The following ZNF428 variants were observed in gnomAD, a reference collection of about 807,000 sequenced individuals.
ZNF428 encodes enzyme-like protein PIT13.
A neutral mutation model predicts 15.6 loss-of-function variants in ZNF428; 5 were observed. The ratio of observed to expected loss-of-function variants is 0.32; its 90% CI spans 0.17 to 0.67. ZNF428 has a LOEUF of 0.67. Among genes scored for constraint, ZNF428 ranks in the 30% least tolerant of loss-of-function variants. The pLI is 0.73. For missense variants in ZNF428, 237 were observed against 256.0 expected (o/e 0.93, Z 0.51); for synonymous variants, 97 against 102.2 (o/e 0.95, Z 0.31).
rs755131010 is a variant in ZNF428, at chr19:43,607,708, CCCTCCTCCTCCTCTTCCT to C, written c.458_475del (p.Glu153_Glu158del). On this transcript the variant is annotated inframe_deletion, in exon 3 of 3. Coordinates refer to ENST00000300811, the MANE Select transcript of ZNF428 (RefSeq NM_182498.4). The surrounding 1 kb of genome is among the most constrained non-coding windows in gnomAD (Gnocchi z 5.1). Reference sequence around the variant, plus strand: ...CTCACATTCCGTACAGTGGTAGGTTCCCTCCTCCTCCTCTTCCTCCTCCTCCTCCCGCCCAGCTGGTCG... The same window carrying C: ...CTCACATTCCGTACAGTGGTAGGTTCCCTCCTCCTCCCGCCCAGCTGGTCG... 2 of 1,613,914 alleles carry C rather than the reference CCCTCCTCCTCCTCTTCCT, an allele frequency of 1.2e-6. No homozygotes were observed. The highest frequency in any genetic ancestry group is 1.7e-6 in the Non-Finnish European group (2 of 1,179,896).
intron 1 of ZNF428, among the ~76,000 whole-genome samples, chr19:43,617,900 C>T (rs567158193): frequency 1.3e-5 from 2 of 152,058 alleles, no homozygotes; most frequent in African/African-American, 2.4e-5. Context: ...GTCACTCTGT[C>T]GCCCAGGTTG....
At chr19:43,617,146 A>G (rs916062008) in intron 1 of ZNF428, among the ~76,000 whole-genome samples, 4 of 151,834 alleles carry the variant, frequency 2.6e-5, no homozygotes, top group Non-Finnish European at 5.9e-5. Flanking sequence ...TTCAAAGCCC[A>G]CCACAAACAT....
At chr19:43,617,299 T>G (rs1340826425) in intron 1 of ZNF428, among the ~76,000 whole-genome samples, 1 of 151,638 alleles carries the variant, frequency 6.6e-6, no homozygotes, top group Non-Finnish European at 1.5e-5. Flanking sequence ...TGTCTTCCAC[T>G]GTACTCCCTG....
intron 1 of ZNF428, among the ~76,000 whole-genome samples, chr19:43,614,921 C>T (rs1472610652): frequency 6.6e-6 from 1 of 152,030 alleles, no homozygotes; most frequent in Non-Finnish European, 1.5e-5. Flanking sequence ...TTAATTTCCG[C>T]ATGTGGGCAA....
At chr19:43,613,904 C>A in intron 2 of ZNF428, 6 of 1,551,650 alleles carry the variant, frequency 3.9e-6, no homozygotes, top group Non-Finnish European at 5.2e-6. Flanking sequence ...AGATCACAGC[C>A]GATCTAGAAG....
intron 2 of ZNF428, among the ~76,000 whole-genome samples, chr19:43,610,932 C>T (rs1373305827): frequency 6.6e-6 from 1 of 152,198 alleles, no homozygotes. Flanking sequence ...CTCTCTCCTA[C>T]TAGTTCCTGC....
intron 1 of ZNF428, among the ~76,000 whole-genome samples, chr19:43,617,700 T>C (rs562740951): frequency 1.9e-4 from 29 of 152,316 alleles, no homozygotes; most frequent in African/African-American, 6.7e-4. Context: ...ATTAATTTTT[T>C]TGTTTGTTTT....
intron 1 of ZNF428, among the ~76,000 whole-genome samples, chr19:43,618,807 G>T (rs1007186668): frequency 2.6e-5 from 4 of 152,010 alleles, no homozygotes; most frequent in African/African-American, 9.7e-5. Flanking sequence ...ACTAGACATT[G>T]TATATTTTAT....
At chr19:43,614,138 A>G in intron 2 of ZNF428, 91 bp downstream of exon 2, 1 of 1,612,306 alleles carries the variant, frequency 6.2e-7, no homozygotes, top group Non-Finnish European at 8.5e-7. Context: ...CAAGACAAGC[A>G]GCCACTCCCC....
At chr19:43,611,465 G>A (rs536339201) in intron 2 of ZNF428, among the ~76,000 whole-genome samples, 1 of 152,138 alleles carries the variant, frequency 6.6e-6, no homozygotes, top group South Asian at 2.1e-4. Context: ...GATTACAAGC[G>A]TGTGCTATCA....
Position 43,612,419 on chromosome 19 carries a change from A to ACCAGCAAAG in ZNF428, c.76+1801_76+1809dup. 7 of 1,551,384 alleles carry ACCAGCAAAG rather than the reference A, an allele frequency of 4.5e-6. No homozygotes were observed. The highest frequency in any genetic ancestry group is 6.1e-6 in the Non-Finnish European group (7 of 1,146,898). On this transcript the variant is annotated intron_variant, in intron 2 of 2. Transcript: ENST00000300811. This position sits in a 1 kb window ranked among gnomAD's most constrained non-coding sequence, Gnocchi z 4.2. ...CAGCAGGGTGAGCACCGACACCAGG[A>ACCAGCAAAG]CCAGCAAAGCCAGCAAGGCCAGCGA... is the stretch of plus-strand genomic sequence containing the variant.
In ZNF428 at chr19:43,619,561, C is replaced by A. The variant is rs575948498; in HGVS notation, c.-134G>T. ...CACCCCTGCCCGGGACACTCACCGG[C>A]GCCGGCGGCCCCCGCTCCGGCTCTG... On this transcript the variant is annotated 5_prime_UTR_variant, in exon 1 of 3. Coordinates refer to ENST00000300811, the MANE Select transcript of ZNF428 (RefSeq NM_182498.4). The A allele has an allele frequency of 9.8e-5, 15 of 152,426 alleles. No individual in the cohort carries two copies. The highest frequency in any genetic ancestry group is 3.6e-4 in the African/African-American group (15 of 41,588). The allele number at this position is 152,426 out of a possible 1,614,324, so 9.4% of individuals were successfully genotyped here.
chr19:43,612,054 C>T lies in ZNF428; in HGVS notation c.76+2175G>A, dbSNP rs1973302770. 5 of 1,220,990 alleles carry T rather than the reference C, an allele frequency of 4.1e-6. No homozygotes were observed. The highest frequency in any genetic ancestry group is 2.1e-5 in the Admixed American group (1 of 47,460). 75.6% of individuals were successfully genotyped at this position (1,220,990 alleles called of 1,614,324 possible). A position where few individuals can be genotyped will look rare whatever the true frequency, so the allele number is the denominator to read the frequency against. ...GGCCTGTGACAGGCAATCAGGTCAT[C>T]GTCCACGGCTACCAGGTGTTTCATG... On this transcript the variant is annotated intron_variant, in intron 2 of 2. Transcript: ENST00000300811. This position sits in a 1 kb window ranked among gnomAD's most constrained non-coding sequence, Gnocchi z 4.2.
rs1317881538 is a variant in ZNF428, at chr19:43,607,890, G to A, written c.294C>T (p.Arg98=). ...CCGGTGGGGCCTCCCCAAGGGGTGA[G>A]CGGCCACAGAGCTGGCAAGGCTGGG... ...PPAQPCQLCG[R]SPLGEAPPGT... Residue 98 remains arginine (R), a synonymous_variant, in exon 3 of 3, where the codon CGC becomes CGT. Transcript: ENST00000300811. The surrounding 1 kb of genome is among the most constrained non-coding windows in gnomAD (Gnocchi z 5.1). The A allele has an allele frequency of 1.3e-6, 2 of 1,560,448 alleles. No individual in the cohort carries two copies. Among genetic ancestry groups the A allele is most frequent in the Admixed American group, 1.9e-5 (1 of 51,414 alleles).
In ZNF428 at chr19:43,612,912, G is replaced by T. The variant is rs754079033; in HGVS notation, c.76+1317C>A. 6 of 1,551,614 alleles carry T rather than the reference G, an allele frequency of 3.9e-6. No homozygotes were observed. The highest frequency in any genetic ancestry group is 3.9e-5 in the Admixed American group (2 of 50,976). Reference sequence around the variant, plus strand: ...AGTTACAGCCCCACTGAAATGTCCAGCAGGGTCAAGAGTTATAACCAGGCC... The same window carrying T: ...AGTTACAGCCCCACTGAAATGTCCATCAGGGTCAAGAGTTATAACCAGGCC... On this transcript the variant is annotated intron_variant, in intron 2 of 2. Coordinates refer to ENST00000300811, the MANE Select transcript of ZNF428 (RefSeq NM_182498.4). The surrounding 1 kb of genome is among the most constrained non-coding windows in gnomAD (Gnocchi z 4.2).
At chr19:43,614,107 C>T (rs1231568435) in intron 2 of ZNF428, 122 bp downstream of exon 2, 8 of 1,588,638 alleles carry the variant, frequency 5.0e-6, no homozygotes, top group African/African-American at 4.0e-5. Flanking sequence ...CAAGCAGTCT[C>T]AGTCAGAATA....
In ZNF428 at chr19:43,612,671, A is replaced by G; in HGVS notation, c.76+1558T>C. The G allele has an allele frequency of 6.4e-7, 1 of 1,551,464 alleles. No homozygotes were observed. The highest frequency in any genetic ancestry group is 2.4e-5 in the East Asian group (1 of 40,916). On this transcript the variant is annotated intron_variant, in intron 2 of 2. Transcript: ENST00000300811. The surrounding 1 kb of genome is among the most constrained non-coding windows in gnomAD (Gnocchi z 4.2). ...GCCTAGAACCAGCAACAGGGAAAGG[A>G]GTGACAGCCAGCCTAGAAATCTGAG...
Position 43,607,933 on chromosome 19 carries a change from CG to C in ZNF428, c.250del (p.Arg84ValfsTer150), listed in dbSNP as rs771244767. 6.3e-7 allele frequency: 1 copy of C among 1,577,374 alleles called. No individual in the cohort carries two copies. The highest frequency in any genetic ancestry group is 1.9e-5 in the Admixed American group (1 of 53,150). On this transcript the variant is annotated frameshift_variant, in exon 3 of 3. Coordinates refer to ENST00000300811, the MANE Select transcript of ZNF428 (RefSeq NM_182498.4). LOFTEE classifies it high-confidence loss of function. The surrounding 1 kb of genome is among the most constrained non-coding windows in gnomAD (Gnocchi z 5.1). ...AGGCTGGGCCGGGGGCTGGGCTGCA[CG>C]GGGGGCCCGGCGGGATGGGCCACCA... Reference protein sequence around the residue: ...GRGGPSRRAPRAAQPPAQPCQ... With the variant: ...GRGGPSRRAPXAAQPPAQPCQ...
In ZNF428 at chr19:43,612,745, C is replaced by T. The variant is rs776659989; in HGVS notation, c.76+1484G>A. 11 of 1,551,480 alleles carry T rather than the reference C, an allele frequency of 7.1e-6. No homozygotes were observed. In the Admixed American group the frequency reaches 9.8e-5, roughly 14 times the overall value. On this transcript the variant is annotated intron_variant, in intron 2 of 2. Coordinates refer to ENST00000300811, the MANE Select transcript of ZNF428 (RefSeq NM_182498.4). This position sits in a 1 kb window ranked among gnomAD's most constrained non-coding sequence, Gnocchi z 4.2. ...GAGGCTCAGGTATAGGGAGGAGTTC[C>T]GAGCTGGCTGTAACTCCCAGTACAG... is the stretch of plus-strand genomic sequence containing the variant.
Sources: allele counts gnomAD v4.1 joint callset (sites outside exome capture counted in the v4.1 genomes callset), GRCh38; gene constraint gnomAD v4.1.1; non-coding constraint Gnocchi (gnomAD v3.1); transcripts MANE v1.5; gene names NCBI Gene and HGNC (gene_info 2026-07-23, HGNC 2026-07-21).